The following SLC38A10 variants were observed in gnomAD, a reference collection of about 807,000 sequenced individuals.
SLC38A10 encodes the protein solute carrier family 38 member 10.
A neutral mutation model predicts 81.0 loss-of-function variants in SLC38A10; 53 were observed. That is an observed-to-expected ratio of 0.65 (90% CI 0.53 to 0.82). The LOEUF (loss-of-function observed/expected upper bound fraction) is 0.82, where lower values mean the gene tolerates loss of function less well. SLC38A10 is among the 40% of genes least tolerant of loss of function. SLC38A10 has a pLI of 0.00. For synonymous variants in SLC38A10, 665 were observed against 655.3 expected (o/e 1.01, Z -0.23); for missense variants, 1,471 against 1,545.0 (o/e 0.95, Z 0.80).
rs983727683 is a variant in SLC38A10 at position 81,277,597 on chromosome 17, C to T, written c.627-464G>A. On this transcript the variant is annotated intron_variant, in intron 6 of 15. Transcript: ENST00000374759. The surrounding 1 kb of genome is among the most constrained non-coding windows in gnomAD (Gnocchi z 4.5). ...ATCAGAGTCGGCACAGACAAGGAGGCGGCCTGGGGCGCGATTCCCCACTGC... is the reference window on the plus strand; with the variant it reads ...ATCAGAGTCGGCACAGACAAGGAGGTGGCCTGGGGCGCGATTCCCCACTGC... Among the ~76,000 whole-genome samples, 3 of 152,212 alleles carry T rather than the reference C, an allele frequency of 2.0e-5. No homozygotes were observed. The highest frequency in any genetic ancestry group is 2.9e-5 in the Non-Finnish European group (2 of 68,030).
Position 81,282,188 on chromosome 17 carries a change from C to T in SLC38A10, c.501+1G>A. On this transcript the variant is annotated splice_donor_variant, in intron 5 of 15. Transcript: ENST00000374759. LOFTEE classifies it high-confidence loss of function. ...GGTACCCACGCGCGCTGCCGACTCA[C>T]CACGAACATGAACACGGTGTAGAAG... 1 of 1,613,326 alleles carries T rather than the reference C, an allele frequency of 6.2e-7. No homozygotes were observed. The highest frequency in any genetic ancestry group is 8.5e-7 in the Non-Finnish European group (1 of 1,179,754).
rs57854082 is a variant in SLC38A10 at position 81,266,618 on chromosome 17, CAAAAA to C, written c.1131+4295_1131+4299del. On this transcript the variant is annotated intron_variant, in intron 10 of 15. Transcript: ENST00000374759. ...TGGGCGACAGAGTGAGACTCCATCT[CAAAAA>C]AAAAAAAAAGAAAAAGAAAAAAAAA... 3.3e-3 allele frequency among the ~76,000 whole-genome samples: 273 copies of C among 82,128 alleles called. 4 individuals are homozygous for C. In the East Asian group the frequency reaches 0.065, roughly 20 times the overall value. 53.9% of individuals were successfully genotyped at this position (82,128 alleles called of 152,430 possible).
intron 10 of SLC38A10, among the ~76,000 whole-genome samples, chr17:81,266,014 C>T (rs184131185): frequency 1.6e-4 from 24 of 152,342 alleles, no homozygotes; most frequent in Admixed American, 1.5e-3. Context: ...TCACCCAATT[C>T]TGTGTGTGTC....
chr17:81,252,942 C>A lies in SLC38A10; in HGVS notation c.1456+131G>T. 3.9e-6 allele frequency: 5 copies of A among 1,267,382 alleles called. No individual in the cohort carries two copies. The South Asian group carries it at 7.0e-5, about 18-fold the overall frequency. 78.5% of individuals were successfully genotyped at this position (1,267,382 alleles called of 1,614,324 possible). ...TGAAAGACAGAGAAAACAAAAAGGACCAGAACTTAGGCTGGGCTGAAGGGA... is the reference window on the plus strand; with the variant it reads ...TGAAAGACAGAGAAAACAAAAAGGAACAGAACTTAGGCTGGGCTGAAGGGA... On this transcript the variant is annotated intron_variant, in intron 12 of 15. Transcript: ENST00000374759.
intron 15 of SLC38A10, 65 bp downstream of exon 15, chr17:81,246,820 C>T (rs564015397): frequency 6.6e-5 from 100 of 1,521,444 alleles, no homozygotes; most frequent in Admixed American, 1.6e-4. Context: ...CAGACCCAGC[C>T]GCATGAGGAC....
chr17:81,258,916 C>T (rs1056516038), intron 11 of SLC38A10, among the ~76,000 whole-genome samples: 5 of 152,254 alleles, frequency 3.3e-5, no homozygotes, highest in Non-Finnish European at 7.3e-5. Flanking sequence ...GCCAGCTGCA[C>T]GGAACCCAGA....
At chr17:81,248,085 G>A (rs192269281) in intron 14 of SLC38A10, among the ~76,000 whole-genome samples, 2 of 151,088 alleles carry the variant, frequency 1.3e-5, no homozygotes, top group Non-Finnish European at 2.9e-5. Flanking sequence ...AGCCTCCCGA[G>A]TAGCTGGGAC....
At chr17:81,248,989 G>C (rs552472399) in intron 14 of SLC38A10, among the ~76,000 whole-genome samples, 80 of 152,324 alleles carry the variant, frequency 5.3e-4, no homozygotes, top group African/African-American at 1.9e-3. Flanking sequence ...CAGCCACCTC[G>C]GCCGTGGGCC....
rs943341765 is a variant in SLC38A10 at position 81,289,374 on chromosome 17, T to G, written c.217+317A>C. Among the ~76,000 whole-genome samples the G allele has an allele frequency of 1.3e-5, 2 of 151,468 alleles. No homozygotes were observed. Among genetic ancestry groups the G allele is most frequent in the African/African-American group, 4.9e-5 (2 of 41,140 alleles). ...TTTTTAACTGCATTTTTTTTTAATT[T>G]GATTTTTAATTCTTTTGAGACAGGG... On this transcript the variant is annotated intron_variant, in intron 2 of 15. Coordinates refer to ENST00000374759, the MANE Select transcript of SLC38A10 (RefSeq NM_001037984.3). The surrounding 1 kb of genome is among the most constrained non-coding windows in gnomAD (Gnocchi z 5.9).
chr17:81,271,489 CCT>C (rs1208348444), intron 9 of SLC38A10, among the ~76,000 whole-genome samples: 1 of 152,130 alleles, frequency 6.6e-6, no homozygotes, highest in East Asian at 1.9e-4. Context: ...TGCGAGTTCC[CCT>C]GTGATGTCAT....
chr17:81,275,851 T>G, intron 8 of SLC38A10, 118 bp downstream of exon 8: 9 of 1,213,466 alleles, frequency 7.4e-6, no homozygotes, highest in Non-Finnish European at 1.0e-5. Flanking sequence ...CTCCCGGGAC[T>G]CCTCTGACGC....
intron 10 of SLC38A10, among the ~76,000 whole-genome samples, chr17:81,269,791 C>T (rs1458495776): frequency 1.3e-5 from 2 of 151,966 alleles, no homozygotes; most frequent in Non-Finnish European, 2.9e-5. Context: ...TCAAGACCAG[C>T]GTGACCAACA....
intron 14 of SLC38A10, among the ~76,000 whole-genome samples, chr17:81,247,812 G>A (rs1353773491): frequency 6.6e-6 from 1 of 151,876 alleles, no homozygotes; most frequent in African/African-American, 2.4e-5. Context: ...CTGCACTCCA[G>A]CCTGGGCAAC....
Position 81,270,676 on chromosome 17 carries a change from G to T in SLC38A10, c.1131+242C>A, listed in dbSNP as rs182659341. ...AAAGCGCTTACGACTCAGCTAAGTC[G>T]GCTCTCAGGAAAACCCGATGCACAG... On this transcript the variant is annotated intron_variant, in intron 10 of 15. Coordinates refer to ENST00000374759, the MANE Select transcript of SLC38A10 (RefSeq NM_001037984.3). The surrounding 1 kb of genome is among the most constrained non-coding windows in gnomAD (Gnocchi z 4.0). 6.6e-6 allele frequency among the ~76,000 whole-genome samples: 1 copy of T among 152,280 alleles called. No homozygotes were observed. The highest frequency in any genetic ancestry group is 2.4e-5 in the African/African-American group (1 of 41,566).
chr17:81,256,214 C>T (rs1303806676), intron 11 of SLC38A10, among the ~76,000 whole-genome samples: 3 of 152,266 alleles, frequency 2.0e-5, no homozygotes, highest in Admixed American at 6.5e-5. Context: ...GCTGTCTAGT[C>T]GGGCATGGAG....
At chr17:81,259,929 A>T (rs2063006115) in intron 11 of SLC38A10, among the ~76,000 whole-genome samples, 2 of 152,196 alleles carry the variant, frequency 1.3e-5, no homozygotes, top group African/African-American at 4.8e-5. Context: ...CGTGAGCAAC[A>T]CTCAGAAACG....
intron 14 of SLC38A10, among the ~76,000 whole-genome samples, chr17:81,249,647 C>G (rs1388869993): frequency 6.6e-6 from 1 of 151,902 alleles, no homozygotes; most frequent in Non-Finnish European, 1.5e-5. Flanking sequence ...TTCCTACAGC[C>G]AGAGCCCACC....
In SLC38A10 at chr17:81,270,913, C is replaced by T. The variant is rs771352947; in HGVS notation, c.1131+5G>A. 4.3e-5 allele frequency: 69 copies of T among 1,613,100 alleles called. No homozygotes were observed. Among genetic ancestry groups the T allele is most frequent in the Non-Finnish European group, 5.3e-5 (62 of 1,179,354 alleles). On this transcript the variant is annotated splice_donor_5th_base_variant and intron_variant, in intron 10 of 15. Coordinates refer to ENST00000374759, the MANE Select transcript of SLC38A10 (RefSeq NM_001037984.3). The surrounding 1 kb of genome is among the most constrained non-coding windows in gnomAD (Gnocchi z 4.0). ...CGTCCAGGCCACCCCACGAGCAGCA[C>T]GCACCTGGGAGGAAAGTGCGTTCTT...
intron 14 of SLC38A10, 188 bp downstream of exon 14, chr17:81,251,305 C>T (rs1368406128): frequency 4.3e-6 from 7 of 1,612,782 alleles, no homozygotes; most frequent in East Asian, 2.2e-5. Context: ...ATAAAAGGTT[C>T]CCAGAAAGCA....
Sources: allele counts gnomAD v4.1 joint callset (sites outside exome capture counted in the v4.1 genomes callset), GRCh38; gene constraint gnomAD v4.1.1; non-coding constraint Gnocchi (gnomAD v3.1); transcripts MANE v1.5; gene names NCBI Gene and HGNC (gene_info 2026-07-23, HGNC 2026-07-21).